DOCK3: variants seen among roughly 807,000 people sequenced by gnomAD.
DOCK3 encodes dedicator of cytokinesis 3, also known as dedicator of cytokinesis protein 3.
In DOCK3, 60 loss-of-function variants were observed where a neutral mutation model predicts 265.6. The ratio of observed to expected loss-of-function variants is 0.23; its 90% CI spans 0.18 to 0.28. DOCK3 has a LOEUF of 0.28. Among genes scored for constraint, DOCK3 ranks in the 10% least tolerant of loss-of-function variants. The probability of loss-of-function intolerance (pLI) is 1.00; values close to 1 mark genes in which losing one functional copy is unlikely to be tolerated. For missense variants in DOCK3, 1,981 were observed against 2,594.3 expected (o/e 0.76, Z 5.14); for synonymous variants, 881 against 938.0 (o/e 0.94, Z 1.11).
chr3:51,280,082 G>A, intron 26 of DOCK3, 24 bp from the exon 27 acceptor site: 1 of 1,607,828 alleles, frequency 6.2e-7, no homozygotes, highest in Non-Finnish European at 8.5e-7. Flanking sequence ...GCCATGCTAA[G>A]TGTTTTTTTG....
At chr3:51,380,558 G>A (rs1469541587) in intron 52 of DOCK3, among the ~76,000 whole-genome samples, 1 of 152,228 alleles carries the variant, frequency 6.6e-6, no homozygotes, top group Non-Finnish European at 1.5e-5. Flanking sequence ...GTGGATCAGA[G>A]AGCATTTCAA....
chr3:51,093,162 G>A (rs1459034998), intron 9 of DOCK3, among the ~76,000 whole-genome samples: 1 of 152,134 alleles, frequency 6.6e-6, no homozygotes, highest in Non-Finnish European at 1.5e-5. Flanking sequence ...GGCTATGCAG[G>A]CTCTTTTTTG....
intron 2 of DOCK3, among the ~76,000 whole-genome samples, chr3:50,840,387 T>A (rs2107244034): frequency 6.6e-6 from 1 of 152,358 alleles, no homozygotes; most frequent in East Asian, 1.9e-4. Context: ...GAGTTTATTT[T>A]TGTGACTAGA....
intron 5 of DOCK3, among the ~76,000 whole-genome samples, chr3:50,993,485 A>G (rs1473318549): frequency 2.0e-5 from 3 of 152,180 alleles, no homozygotes; most frequent in Non-Finnish European, 2.9e-5. Flanking sequence ...CTTAATTAAC[A>G]TCTCTTTCAG....
rs564707135 is a variant in DOCK3, at chr3:50,918,014, G to A, written c.219-15967G>A. On this transcript the variant is annotated intron_variant, in intron 4 of 52. Transcript: ENST00000266037. ...TGTGAGTGAGAACATACAGTGTTTG[G>A]TTTTCTGTCCTTATGATAGTTTGCT... is the stretch of plus-strand genomic sequence containing the variant. 2.6e-5 allele frequency among the ~76,000 whole-genome samples: 4 copies of A among 152,102 alleles called. No homozygotes were observed. In the South Asian group the frequency reaches 6.2e-4, roughly 24 times the overall value.
chr3:51,202,686 G>A (rs1229656152), intron 12 of DOCK3, among the ~76,000 whole-genome samples: 3 of 152,116 alleles, frequency 2.0e-5, no homozygotes, highest in Non-Finnish European at 4.4e-5. Context: ...GCATCATCCG[G>A]ATACCAAAGC....
intron 5 of DOCK3, among the ~76,000 whole-genome samples, chr3:51,000,308 G>T (rs1323737663): frequency 1.3e-5 from 2 of 152,176 alleles, no homozygotes; most frequent in South Asian, 2.1e-4. Context: ...AAAGTGTCTT[G>T]TGGCAGCGTT....
chr3:51,289,215 C>G (rs979035400), intron 27 of DOCK3, among the ~76,000 whole-genome samples: 5 of 152,132 alleles, frequency 3.3e-5, no homozygotes, highest in African/African-American at 1.2e-4. Context: ...GCTGCATGTT[C>G]TCACTTATAA....
intron 38 of DOCK3, among the ~76,000 whole-genome samples, chr3:51,344,681 A>G (rs1413161585): frequency 6.6e-6 from 1 of 152,196 alleles, no homozygotes; most frequent in African/African-American, 2.4e-5. Context: ...AGACACTGGT[A>G]GGGAGTTTTA....
At chr3:51,139,963 T>G (rs903164733) in intron 9 of DOCK3, among the ~76,000 whole-genome samples, 2 of 152,190 alleles carry the variant, frequency 1.3e-5, no homozygotes, top group African/African-American at 4.8e-5. Flanking sequence ...TCATGTGAGA[T>G]GAGATGGGGC....
chr3:51,002,909 C>G (rs1482648083), intron 5 of DOCK3, among the ~76,000 whole-genome samples: 8 of 152,096 alleles, frequency 5.3e-5, no homozygotes, highest in Non-Finnish European at 2.9e-5. Flanking sequence ...GGTCTGTTAA[C>G]TCTGGATAAA....
At chr3:50,844,131 G>A (rs545282833) in intron 3 of DOCK3, among the ~76,000 whole-genome samples, 4 of 152,196 alleles carry the variant, frequency 2.6e-5, no homozygotes, top group East Asian at 1.9e-4. Flanking sequence ...GTCTTTAGTC[G>A]TTTATGATTT....
In DOCK3 at chr3:51,160,819, G is replaced by A. The variant is rs2086089667; in HGVS notation, c.1037+117G>A. ...ACAGGCCACGCAGTGGCTCACGCCT[G>A]TATTCCCAACACTTTGGGAGGCCAA... On this transcript the variant is annotated intron_variant, in intron 12 of 52. Coordinates refer to ENST00000266037, the MANE Select transcript of DOCK3 (RefSeq NM_004947.5). The A allele has an allele frequency of 5.4e-6, 7 of 1,295,000 alleles. No homozygotes were observed. The East Asian group carries it at 8.0e-5, about 15-fold the overall frequency. 80.2% of individuals were successfully genotyped at this position (1,295,000 alleles called of 1,614,324 possible).
chr3:51,251,530 CTGT>C (rs2079238969), intron 22 of DOCK3, among the ~76,000 whole-genome samples: 1 of 152,206 alleles, frequency 6.6e-6, no homozygotes, highest in Non-Finnish European at 1.5e-5. Context: ...TCTCCAGCAC[CTGT>C]TGTTTCCTGA....
At chr3:50,961,951 A>G (rs540949203) in intron 5 of DOCK3, among the ~76,000 whole-genome samples, 14 of 152,292 alleles carry the variant, frequency 9.2e-5, no homozygotes, top group Non-Finnish European at 1.9e-4. Flanking sequence ...TTTAGTTCGT[A>G]GTACACAACT....
intron 3 of DOCK3, among the ~76,000 whole-genome samples, chr3:50,866,862 G>A (rs1416594605): frequency 1.3e-5 from 2 of 152,146 alleles, no homozygotes; most frequent in Non-Finnish European, 1.5e-5. Flanking sequence ...GTCAGGTAAT[G>A]TGATTCCACC....
At chr3:50,882,575 A>G (rs6446231) in intron 3 of DOCK3, among the ~76,000 whole-genome samples, 37,033 of 152,034 alleles carry the variant, frequency 0.24, 5,659 homozygotes, top group East Asian at 0.39. Context: ...AGATCCCATC[A>G]CACACCAGTT....
intron 5 of DOCK3, among the ~76,000 whole-genome samples, chr3:50,961,716 C>T (rs1456134298): frequency 3.9e-5 from 6 of 152,078 alleles, no homozygotes; most frequent in African/African-American, 1.2e-4. Context: ...CAAAAGTTAA[C>T]GAGTACTTAT....
intron 3 of DOCK3, among the ~76,000 whole-genome samples, chr3:50,869,367 T>C (rs1575406260): frequency 3.6e-4 from 18 of 50,586 alleles, no homozygotes; most frequent in African/African-American, 1.3e-3. Context: ...TTTTTTTTTT[T>C]TTTTTTTTTT....
Sources: allele counts gnomAD v4.1 joint callset (sites outside exome capture counted in the v4.1 genomes callset), GRCh38; gene constraint gnomAD v4.1.1; transcripts MANE v1.5; gene names NCBI Gene and HGNC (gene_info 2026-07-23, HGNC 2026-07-21).